The following NAV3 variants were observed in gnomAD, a reference collection of about 807,000 sequenced individuals.
NAV3 encodes the protein neuron navigator 3.
In NAV3, 87 loss-of-function variants were observed where a neutral mutation model predicts 244.7. That is an observed-to-expected ratio of 0.36 (90% CI 0.30 to 0.42). NAV3 has a LOEUF of 0.42. NAV3 is among the 20% of genes least tolerant of loss of function. The pLI is 1.00. For missense variants in NAV3, 2,663 were observed against 2,893.3 expected, an observed-to-expected ratio of 0.92 and a Z score of 1.83; for synonymous variants, 1,126 against 1,042.2, an observed-to-expected ratio of 1.08 and a Z score of -1.55.
At chr12:78,033,505 T>C (rs1879333862) in intron 9 of NAV3, among the ~76,000 whole-genome samples, 1 of 152,032 alleles carries the variant, frequency 6.6e-6, no homozygotes, top group Non-Finnish European at 1.5e-5. Flanking sequence ...TCTATATGTG[T>C]GAATACAAAC....
At chr12:77,671,037 C>T (rs1873947346) in intron 2 of NAV3, among the ~76,000 whole-genome samples, 1 of 152,054 alleles carries the variant, frequency 6.6e-6, no homozygotes, top group Non-Finnish European at 1.5e-5. Flanking sequence ...ACCTGGAAAA[C>T]TCTAAAGACT....
chr12:78,019,950 T>C (rs1427011442), intron 8 of NAV3, among the ~76,000 whole-genome samples: 1 of 152,190 alleles, frequency 6.6e-6, no homozygotes, highest in Non-Finnish European at 1.5e-5. Context: ...AGTCTTTATA[T>C]ACATTGGGAA....
chr12:78,099,350 C>T (rs972949594), intron 12 of NAV3, among the ~76,000 whole-genome samples: 3 of 151,424 alleles, frequency 2.0e-5, no homozygotes, highest in Non-Finnish European at 4.4e-5. Context: ...CTATAATCAG[C>T]AGAGTGTTAA....
At chr12:77,989,641 A>G (rs531336164) in intron 5 of NAV3, among the ~76,000 whole-genome samples, 1 of 152,314 alleles carries the variant, frequency 6.6e-6, no homozygotes, top group East Asian at 1.9e-4. Context: ...ATCATGAAAA[A>G]TAAAGGACAA....
intron 1 of NAV3, among the ~76,000 whole-genome samples, chr12:77,855,894 CA>C (rs1378886090): frequency 2.0e-5 from 3 of 152,210 alleles, no homozygotes; most frequent in Non-Finnish European, 4.4e-5. Flanking sequence ...CCTACAGTAT[CA>C]TGAGCTAAAA....
intron 3 of NAV3, among the ~76,000 whole-genome samples, chr12:77,963,585 T>C (rs898524102): frequency 6.6e-6 from 1 of 152,166 alleles, no homozygotes; most frequent in Non-Finnish European, 1.5e-5. Context: ...AAATGTTGAA[T>C]AAATAAATGC....
intron 3 of NAV3, among the ~76,000 whole-genome samples, chr12:77,956,283 G>A (rs1042124043): frequency 3.9e-5 from 6 of 152,088 alleles, no homozygotes; most frequent in South Asian, 4.1e-4. Flanking sequence ...CATGTTTAAT[G>A]TGAAAAATGA....
chr12:78,099,849 A>C (rs551260751), intron 12 of NAV3, among the ~76,000 whole-genome samples: 4 of 151,918 alleles, frequency 2.6e-5, no homozygotes, highest in Admixed American at 6.6e-5. Flanking sequence ...TAAAACATAA[A>C]CTTGTGCCTG....
upstream of NAV3, among the ~76,000 whole-genome samples, chr12:77,826,264 T>C (rs1872998205): frequency 1.3e-5 from 2 of 152,106 alleles, no homozygotes; most frequent in Non-Finnish European, 1.5e-5. Flanking sequence ...TCCCAGTACG[T>C]TGGGAGGCCA....
intron 7 of NAV3, among the ~76,000 whole-genome samples, chr12:77,998,900 T>C (rs995181185): frequency 1.6e-4 from 25 of 152,286 alleles, no homozygotes; most frequent in African/African-American, 6.0e-4. Flanking sequence ...GAAACATAAT[T>C]ACAGTAGGTT....
At chr12:78,143,306 C>G in intron 20 of NAV3, 1 of 451,870 alleles carries the variant, frequency 2.2e-6, no homozygotes, top group Non-Finnish European at 4.4e-6. Flanking sequence ...AGAGGTGTTA[C>G]CTTTGGCAAA....
At chr12:78,131,651 C>A (rs1956171473) in intron 18 of NAV3, among the ~76,000 whole-genome samples, 1 of 152,086 alleles carries the variant, frequency 6.6e-6, no homozygotes, top group African/African-American at 2.4e-5. Context: ...TTAAATCCAC[C>A]TTCATTATTC....
intron 2 of NAV3, among the ~76,000 whole-genome samples, chr12:77,599,859 C>T (rs1565731398): frequency 6.6e-6 from 1 of 151,858 alleles, no homozygotes; most frequent in Non-Finnish European, 1.5e-5. Flanking sequence ...GGAAGTCAAA[C>T]ACAAACAAAT....
At chr12:78,144,912 C>CAAAA (rs755345560) in intron 20 of NAV3, 51 of 66,274 alleles carry the variant, frequency 7.7e-4, no homozygotes, top group African/African-American at 1.4e-3. Flanking sequence ...GATCCTGTCT[C>CAAAA]AAAAAAAAAA....
intron 3 of NAV3, among the ~76,000 whole-genome samples, chr12:77,958,278 T>A (rs1593115293): frequency 6.6e-6 from 1 of 152,178 alleles, no homozygotes; most frequent in Non-Finnish European, 1.5e-5. Context: ...AATTCAGTGC[T>A]CTTTAGAATA....
intron 11 of NAV3, 149 bp from the exon 12 acceptor site, chr12:78,058,847 G>A (rs1593423865): frequency 2.0e-6 from 1 of 492,920 alleles, no homozygotes; most frequent in East Asian, 4.2e-5. Context: ...TATCCCTGGT[G>A]AGTAGAATGT....
Position 77,951,512 on chromosome 12 carries a change from G to A in NAV3, c.414+10379G>A, listed in dbSNP as rs568449200. On this transcript the variant is annotated intron_variant, in intron 3 of 39. Coordinates refer to ENST00000397909, the MANE Select transcript of NAV3 (RefSeq NM_001024383.2). ...CAACAATTGTGGAAGACGGTGCGGC[G>A]GTTGCTCAAGGATCTGGAACTAGAA... Among the ~76,000 whole-genome samples, 4 of 152,204 alleles carry A rather than the reference G, an allele frequency of 2.6e-5. No homozygotes were observed. In the East Asian group the frequency reaches 5.8e-4, roughly 22 times the overall value.
In NAV3 at chr12:78,199,344, A is replaced by T. The variant is rs757615631; in HGVS notation, c.6528A>T (p.Leu2176Phe). The T allele has an allele frequency of 1.3e-6, 2 of 1,598,482 alleles. No individual in the cohort carries two copies. Among genetic ancestry groups the T allele is most frequent in the Non-Finnish European group, 1.7e-6 (2 of 1,174,910 alleles). ...LELHHNFRWV[L>F]CANHTEPVKG... ...TTTTTTCTTTTTGTAGGTGGGTATT[A>T]TGTGCAAATCATACAGAACCAGTGA... The change falls in exon 37 of 40, where the codon TTA becomes TTT. Residue 2176 changes from leucine to phenylalanine, a missense_variant. Physicochemically the swap from Leu to Phe is conservative, Grantham distance 22 (BLOSUM62 0). This residue lies in a region of NAV3 where 543 missense variants were observed against 672.4 expected (regional missense o/e 0.81). Transcript: ENST00000397909.
intron 2 of NAV3, among the ~76,000 whole-genome samples, chr12:77,808,093 T>TC (rs1872078528): frequency 2.0e-5 from 3 of 152,172 alleles, no homozygotes; most frequent in African/African-American, 7.2e-5. Flanking sequence ...TTTGCAAGGT[T>TC]CTTAGCTTCC....
Sources: allele counts gnomAD v4.1 joint callset (sites outside exome capture counted in the v4.1 genomes callset), GRCh38; gene constraint gnomAD v4.1.1; regional missense constraint gnomAD v4.1.1; transcripts MANE v1.5; gene names NCBI Gene and HGNC (gene_info 2026-07-23, HGNC 2026-07-21).